Variants in FAT4 observed in about 807,000 individuals in gnomAD.
The protein encoded by FAT4 is FAT atypical cadherin 4, also known as protocadherin Fat 4.
FAT4 carries 84 observed loss-of-function variants against 303.9 expected under a neutral mutation model. The ratio of observed to expected loss-of-function variants is 0.28; its 90% CI spans 0.23 to 0.33. FAT4 has a LOEUF of 0.33. Among genes scored for constraint, FAT4 ranks in the 10% least tolerant of loss-of-function variants. The pLI is 1.00. For synonymous variants in FAT4, 2,307 were observed against 2,298.8 expected, an observed-to-expected ratio of 1.00 and a Z score of -0.10; for missense variants, 6,005 against 6,146.8, an observed-to-expected ratio of 0.98 and a Z score of 0.77.
intron 2 of FAT4, among the ~76,000 whole-genome samples, chr4:125,376,758 G>A (rs1238299259): frequency 4.6e-5 from 7 of 152,012 alleles, no homozygotes; most frequent in East Asian, 1.9e-4. Context: ...AATTAGTGGG[G>A]CGTGGTGGCG....
chr4:125,437,587 T>A (rs1310980844), intron 8 of FAT4, among the ~76,000 whole-genome samples: 1 of 152,204 alleles, frequency 6.6e-6, no homozygotes, highest in Non-Finnish European at 1.5e-5. Flanking sequence ...TTTGAGTCAT[T>A]GTACTTAGCA....
At chr4:125,389,338 T>C (rs1733886907) in intron 2 of FAT4, among the ~76,000 whole-genome samples, 1 of 152,152 alleles carries the variant, frequency 6.6e-6, no homozygotes, top group African/African-American at 2.4e-5. Flanking sequence ...TACCATTATA[T>C]CATGTTTCTT....
chr4:125,372,930 G>A (rs990100809), intron 2 of FAT4, among the ~76,000 whole-genome samples: 1 of 152,114 alleles, frequency 6.6e-6, no homozygotes, highest in African/African-American at 2.4e-5. Flanking sequence ...TGCTCTCATG[G>A]ATGTTTTATG....
chr4:125,484,002 T>TTCTCTCTCTC (rs67727570), intron 16 of FAT4, among the ~76,000 whole-genome samples: 80 of 129,828 alleles, frequency 6.2e-4, no homozygotes, highest in Non-Finnish European at 8.6e-4. Flanking sequence ...ATGGTTTGCA[T>TTCTCTCTCTC]TCTCTCTCTC....
intron 9 of FAT4, among the ~76,000 whole-genome samples, chr4:125,448,029 A>T (rs1442640991): frequency 6.6e-6 from 1 of 152,092 alleles, no homozygotes; most frequent in Non-Finnish European, 1.5e-5. Context: ...AAGTGATTGG[A>T]AGATATTTTA....
At position 125,316,616 on chromosome 4, in the gene FAT4, G is replaced by A. The variant is rs1464090628; in HGVS notation, c.205G>A (p.Gly69Ser). The A allele has an allele frequency of 1.2e-6, 2 of 1,613,708 alleles. No homozygotes were observed. The highest frequency in any genetic ancestry group is 1.6e-4 in the Middle Eastern group (1 of 6,084). ...TLVGTIQTRP[G>S]FTYRLSESHA... ...GGTAGGCACCATCCAGACGCGCCCCGGCTTCACCTACAGGCTCAGCGAAAG... is the reference window on the plus strand; with the variant it reads ...GGTAGGCACCATCCAGACGCGCCCCAGCTTCACCTACAGGCTCAGCGAAAG... Residue 69 changes from glycine (G) to serine (S), a missense_variant, in exon 2 of 18, where the codon GGC (glycine) becomes AGC (serine). Physicochemically the swap from Gly to Ser is moderately conservative, Grantham distance 56. Transcript: ENST00000394329. The surrounding 1 kb of genome is among the most constrained non-coding windows in gnomAD (Gnocchi z 5.7).
rs775219647 is a variant in FAT4, at chr4:125,450,559, C to T, written c.9549C>T (p.Thr3183=). ...WVARTGYCSV[T]VNVIDVNDNS... The stretch of plus-strand genomic sequence containing the variant: ...CAAGAACTGGTTACTGCAGTGTGAC[C>T]GTAAATGTGATTGATGTGAATGATA... Residue 3183 remains threonine (T), a synonymous_variant, in exon 10 of 18, where the codon ACC becomes ACT. Coordinates refer to ENST00000394329, the MANE Select transcript of FAT4 (RefSeq NM_001291303.3). The T allele has an allele frequency of 1.9e-5, 31 of 1,613,934 alleles. No individual in the cohort carries two copies. Among genetic ancestry groups the T allele is most frequent in the African/African-American group, 1.5e-4 (11 of 74,902 alleles).
chr4:125,359,753 T>C (rs189472034), intron 2 of FAT4, among the ~76,000 whole-genome samples: 2 of 152,312 alleles, frequency 1.3e-5, no homozygotes, highest in African/African-American at 2.4e-5. Context: ...GAAAGGTAAC[T>C]ATGTGATACC....
At chr4:125,439,364 GCT>G (rs1443969136) in intron 8 of FAT4, among the ~76,000 whole-genome samples, 4 of 147,456 alleles carry the variant, frequency 2.7e-5, no homozygotes, top group Non-Finnish European at 5.9e-5. Context: ...ATGGAGTCTC[GCT>G]CTGTCACCCA....
In FAT4 at chr4:125,415,688, C is replaced by A. The variant is rs140321833; in HGVS notation, c.6725C>A (p.Thr2242Asn). ...CGAGGCAGCACACCCAGAACTGATA[C>A]CTCCACGGTCAGCATTGTTCTACTG... is the stretch of plus-strand genomic sequence containing the variant. ...TDRGSTPRTD[T>N]STVSIVLLDI... The change falls in exon 6 of 18, where the codon ACC becomes AAC. Residue 2242 changes from threonine (T) to asparagine (N), a missense_variant. Transcript: ENST00000394329. 1 of 1,614,016 alleles carries A rather than the reference C, an allele frequency of 6.2e-7. No homozygotes were observed. Among genetic ancestry groups the A allele is most frequent in the Non-Finnish European group, 8.5e-7 (1 of 1,179,946 alleles).
chr4:125,478,074 T>C (rs995552864), intron 14 of FAT4, among the ~76,000 whole-genome samples: 9 of 152,198 alleles, frequency 5.9e-5, no homozygotes, highest in African/African-American at 2.2e-4. Context: ...ATTTTATTAA[T>C]ATACCAATTA....
In FAT4 at chr4:125,319,467, A is replaced by C; in HGVS notation, c.3056A>C (p.Gln1019Pro). The stretch of plus-strand genomic sequence containing the variant: ...GTGAATTCTCGATTCTTTAAAGTAC[A>C]AGCTTCTGATAAGGATTCAGGAGCA... Reference protein sequence around the residue: ...EPVNSRFFKVQASDKDSGANG... With the variant: ...EPVNSRFFKVPASDKDSGANG... The change falls in exon 2 of 18, where the codon CAA becomes CCA. Residue 1019 changes from glutamine to proline, a missense_variant. Physicochemically the swap from Gln to Pro is moderately conservative, Grantham distance 76 (BLOSUM62 -1). Transcript: ENST00000394329. 1 of 1,613,360 alleles carries C rather than the reference A, an allele frequency of 6.2e-7. No individual in the cohort carries two copies. The highest frequency in any genetic ancestry group is 8.5e-7 in the Non-Finnish European group (1 of 1,179,324).
rs148699293 is a variant in FAT4, at chr4:125,418,022, T to C, written c.7018+1400T>C. The stretch of plus-strand genomic sequence containing the variant: ...GTTTTAGACATCCGGTTTTAGAATC[T>C]ACAGTTTAATCTTATTTTCCAAGAA... On this transcript the variant is annotated intron_variant, in intron 7 of 17. Transcript: ENST00000394329. 2.4e-3 allele frequency among the ~76,000 whole-genome samples: 365 copies of C among 152,336 alleles called. 4 individuals are homozygous for C. The highest frequency in any genetic ancestry group is 8.1e-3 in the Admixed American group (124 of 15,294).
intron 5 of FAT4, among the ~76,000 whole-genome samples, chr4:125,414,179 CA>C (rs1734950985): frequency 6.6e-6 from 1 of 151,950 alleles, no homozygotes; most frequent in Non-Finnish European, 1.5e-5. Flanking sequence ...AGACTCTCTG[CA>C]ATCATTTTCT....
At chr4:125,397,925 T>C (rs931297394) in intron 2 of FAT4, among the ~76,000 whole-genome samples, 17 of 151,988 alleles carry the variant, frequency 1.1e-4, no homozygotes, top group African/African-American at 4.1e-4. Context: ...GATGGGTGGG[T>C]TTTTTAATTA....
intron 10 of FAT4, among the ~76,000 whole-genome samples, chr4:125,454,047 CACATTAT>C (rs1283649148): frequency 2.0e-5 from 3 of 152,130 alleles, no homozygotes; most frequent in African/African-American, 7.2e-5. Flanking sequence ...TTATAACTTG[CACATTAT>C]ACATTTGTAA....
rs777195892 is a variant in FAT4, at chr4:125,319,699, C to A, written c.3288C>A (p.Asn1096Lys). The A allele has an allele frequency of 9.3e-6, 15 of 1,613,924 alleles. No homozygotes were observed. Among genetic ancestry groups the A allele is most frequent in the Non-Finnish European group, 1.3e-5 (15 of 1,179,904 alleles). The change falls in exon 2 of 18, where the codon AAC (asparagine) becomes AAA (lysine). Residue 1096 changes from asparagine to lysine, a missense_variant. By Grantham distance (94) the Asn-to-Lys change is moderately conservative (BLOSUM62 0). Transcript: ENST00000394329. ...TAATTTTAGAAGATGTAAATGATAA[C>A]AGACCTCTTTTTAACAGTACCAATT... ...VTVILEDVND[N>K]RPLFNSTNYT...
intron 10 of FAT4, among the ~76,000 whole-genome samples, chr4:125,460,085 A>G (rs979364326): frequency 1.3e-5 from 2 of 152,016 alleles, no homozygotes; most frequent in African/African-American, 4.8e-5. Flanking sequence ...CTGTTTTCCT[A>G]CTATGTCTTT....
chr4:125,381,922 C>A (rs959585421), intron 2 of FAT4, among the ~76,000 whole-genome samples: 1 of 152,148 alleles, frequency 6.6e-6, no homozygotes, highest in Non-Finnish European at 1.5e-5. Flanking sequence ...GGAATAGGTT[C>A]CATCTCAAGA....
Sources: allele counts gnomAD v4.1 joint callset (sites outside exome capture counted in the v4.1 genomes callset), GRCh38; gene constraint gnomAD v4.1.1; non-coding constraint Gnocchi (gnomAD v3.1); transcripts MANE v1.5; gene names NCBI Gene and HGNC (gene_info 2026-07-23, HGNC 2026-07-21).